The following RSPH14 variants were observed in gnomAD, a reference collection of about 807,000 sequenced individuals.
The protein encoded by RSPH14 is radial spoke head 14 homolog, also known as rhabdoid tumor deletion region gene 1.
A neutral mutation model predicts 26.7 loss-of-function variants in RSPH14; 20 were observed. The observed-to-expected ratio is 0.75, with a 90% CI of 0.53 to 1.09. RSPH14 has a LOEUF of 1.09. RSPH14 is among the 50% of genes least tolerant of loss of function. RSPH14 has a pLI of 0.00. For synonymous variants in RSPH14, 177 were observed against 189.3 expected, an observed-to-expected ratio of 0.93 and a Z score of 0.53; for missense variants, 449 against 457.2, an observed-to-expected ratio of 0.98 and a Z score of 0.16.
At chr22:23,110,440 G>A (rs1198106459) in intron 4 of RSPH14, among the ~76,000 whole-genome samples, 1 of 152,222 alleles carries the variant, frequency 6.6e-6, no homozygotes, top group Non-Finnish European at 1.5e-5. Context: ...TGGTGCTCCA[G>A]CCAGGAACAG....
intron 1 of RSPH14, among the ~76,000 whole-genome samples, chr22:23,140,685 A>C (rs969975788): frequency 2.0e-5 from 3 of 152,212 alleles, no homozygotes; most frequent in Non-Finnish European, 4.4e-5. Context: ...GAGCCCTCCC[A>C]CACAATAGTG....
At position 23,063,950 on chromosome 22, in the gene RSPH14, G is replaced by T; in HGVS notation, c.605C>A (p.Ala202Asp). The change falls in exon 5 of 7, where the codon GCC becomes GAC. Residue 202 changes from alanine (A) to aspartate (D), a missense_variant. Transcript: ENST00000216036. The stretch of plus-strand genomic sequence containing the variant: ...GGCCTTGCTGCGGATGTTCTGGTTG[G>T]CGCTGAGGAGCTTCTGCTTCAGGAC... ...VLVLKQKLLSANQNIRSKAAR... is the reference protein window; with the variant it reads ...VLVLKQKLLSDNQNIRSKAAR... 3 of 1,614,194 alleles carry T rather than the reference G, an allele frequency of 1.9e-6. No homozygotes were observed. Among genetic ancestry groups the T allele is most frequent in the Non-Finnish European group, 2.5e-6 (3 of 1,180,028 alleles).
the RSPH14 span, chr22:23,156,145 G>GAAA: frequency 0.23 from 206,529 of 880,056 alleles, 26,184 homozygotes; most frequent in East Asian, 0.36. Flanking sequence ...TGTCCTCCAA[G>GAAA]ACCCACTGAG....
the RSPH14 span, chr22:23,157,960 T>C: frequency 1.7e-5 from 27 of 1,614,032 alleles, no homozygotes; most frequent in South Asian, 2.4e-4. Flanking sequence ...CGCCTGGCAC[T>C]GATTGGCTGT....
intron 4 of RSPH14, among the ~76,000 whole-genome samples, chr22:23,088,607 C>T (rs545521124): frequency 1.3e-5 from 2 of 152,316 alleles, no homozygotes; most frequent in South Asian, 2.1e-4. Context: ...GGCAGGTAGG[C>T]GCAGGCAGCC....
the RSPH14 span, chr22:23,162,719 G>C: frequency 2.6e-5 from 12 of 456,130 alleles, no homozygotes; most frequent in East Asian, 5.6e-4. Context: ...GTCTCGTGCT[G>C]TTGCTTCCCG....
rs535796868 is a variant in RSPH14, at chr22:23,129,104, G to A, written c.421+4922C>T. ...CAGAGCCACTGAAATAGATGCCCTC[G>A]CCACCCCCCAGGCCCCCCACCCAGA... On this transcript the variant is annotated intron_variant, in intron 4 of 6. Coordinates refer to ENST00000216036, the MANE Select transcript of RSPH14 (RefSeq NM_014433.3). Among the ~76,000 whole-genome samples, 6 of 151,980 alleles carry A rather than the reference G, an allele frequency of 3.9e-5. No individual in the cohort carries two copies. The East Asian group carries it at 5.8e-4, about 15-fold the overall frequency.
At chr22:23,141,067 C>T (rs927629459) in intron 1 of RSPH14, among the ~76,000 whole-genome samples, 10 of 152,164 alleles carry the variant, frequency 6.6e-5, no homozygotes, top group Admixed American at 1.3e-4. Flanking sequence ...CAGTGGCTCA[C>T]GCCTGTAATC....
intron 4 of RSPH14, among the ~76,000 whole-genome samples, chr22:23,130,339 C>T (rs1480160151): frequency 2.0e-5 from 3 of 151,334 alleles, no homozygotes; most frequent in Admixed American, 1.3e-4. Context: ...CCTGTAGTCC[C>T]AGCTACTCGG....
chr22:23,100,156 G>T (rs2069254431), intron 4 of RSPH14, among the ~76,000 whole-genome samples: 1 of 152,256 alleles, frequency 6.6e-6, no homozygotes, highest in African/African-American at 2.4e-5. Flanking sequence ...ATGAGGGTGA[G>T]CACAACTCTC....
In RSPH14 at chr22:23,122,970, C is replaced by T. The variant is rs1601842178; in HGVS notation, c.421+11056G>A. On this transcript the variant is annotated intron_variant, in intron 4 of 6. Transcript: ENST00000216036. The stretch of plus-strand genomic sequence containing the variant: ...TCCCCAGCAGAAGGAGGTGCCATTG[C>T]AGGGACCAGTCTTGGGCTGAGACCC... The T allele has an allele frequency of 6.0e-6, 4 of 671,828 alleles. No homozygotes were observed. In the East Asian group the frequency reaches 1.0e-4, roughly 17 times the overall value. The allele number at this position is 671,828 out of a possible 1,614,324, so 41.6% of individuals were successfully genotyped here.
the RSPH14 span, chr22:23,156,341 G>A: frequency 3.5e-6 from 1 of 287,824 alleles, no homozygotes; most frequent in Non-Finnish European, 6.7e-6. Flanking sequence ...GAGAAGGGCA[G>A]CACTGGACTC....
At chr22:23,062,887 C>G (rs770254047) in intron 5 of RSPH14, among the ~76,000 whole-genome samples, 1 of 152,230 alleles carries the variant, frequency 6.6e-6, no homozygotes, top group Non-Finnish European at 1.5e-5. Flanking sequence ...GCTCAGTGTT[C>G]TTTAGGGCCA....
chr22:23,100,387 G>A (rs1386809753), intron 4 of RSPH14, among the ~76,000 whole-genome samples: 1 of 152,254 alleles, frequency 6.6e-6, no homozygotes, highest in Non-Finnish European at 1.5e-5. Flanking sequence ...TTCACCGTGG[G>A]AGGCCTGGTG....
At chr22:23,156,128 AG>A in the RSPH14 span, 1 of 1,132,888 alleles carries the variant, frequency 8.8e-7, no homozygotes, top group Non-Finnish European at 1.3e-6. Flanking sequence ...CACAGGCACC[AG>A]TTTTTTGTCC....
At chr22:23,179,284 T>C in the RSPH14 span, among the ~76,000 whole-genome samples, 1 of 91,130 alleles carries the variant, frequency 1.1e-5, no homozygotes, top group African/African-American at 3.1e-5. Flanking sequence ...GAGGGAGAGG[T>C]GGTCAGGACT....
chr22:23,103,453 T>A (rs2069362704), intron 4 of RSPH14, among the ~76,000 whole-genome samples: 2 of 152,170 alleles, frequency 1.3e-5, no homozygotes, highest in Non-Finnish European at 2.9e-5. Flanking sequence ...TCCTTGCCTG[T>A]CAGTCTCCCA....
intron 4 of RSPH14, among the ~76,000 whole-genome samples, chr22:23,078,581 A>G (rs1298223833): frequency 6.6e-6 from 1 of 152,082 alleles, no homozygotes; most frequent in Non-Finnish European, 1.5e-5. Flanking sequence ...TCCTCCCAGG[A>G]TGGTGTGGAA....
intron 4 of RSPH14, among the ~76,000 whole-genome samples, chr22:23,072,992 G>C (rs2068417078): frequency 6.6e-6 from 1 of 152,222 alleles, no homozygotes; most frequent in African/African-American, 2.4e-5. Context: ...CAGTGGGACA[G>C]GAATGCTGAA....
Sources: gnomAD v4.1 joint callset for allele counts (sites outside exome capture counted in the v4.1 genomes callset) on GRCh38, gnomAD v4.1.1 for gene constraint, MANE v1.5 for transcripts, NCBI Gene and HGNC (gene_info 2026-07-23, HGNC 2026-07-21) for gene names.